GNG7: variants seen among roughly 807,000 people sequenced by gnomAD.
The protein encoded by GNG7 is guanine nucleotide-binding protein G(I)/G(S)/G(O) subunit gamma-7.
In GNG7, 1 loss-of-function variant was observed where a neutral mutation model predicts 4.0. The ratio of observed to expected loss-of-function variants is 0.25; its 90% CI spans 0.09 to 1.18. The LOEUF is 1.18. Among genes scored for constraint, GNG7 ranks in the 50% most tolerant of loss-of-function variants. The pLI, the probability that GNG7 is intolerant of heterozygous loss-of-function variation, is 0.50. For missense variants in GNG7, 86 were observed against 91.9 expected (o/e 0.94, Z 0.26); for synonymous variants, 34 against 36.9 (o/e 0.92, Z 0.29).
intron 1 of GNG7, among the ~76,000 whole-genome samples, chr19:2,672,781 A>G (rs369157006): frequency 1.2e-4 from 18 of 152,018 alleles, no homozygotes; most frequent in African/African-American, 4.3e-4. Flanking sequence ...GCAATAATTC[A>G]AAGTTTAAAG....
intron 2 of GNG7, among the ~76,000 whole-genome samples, chr19:2,597,950 C>T (rs1380389242): frequency 6.6e-6 from 1 of 151,350 alleles, no homozygotes; most frequent in Non-Finnish European, 1.5e-5. Context: ...CAGCTCAGGA[C>T]TGCCAATGTA....
chr19:2,606,845 A>G (rs1981399414), intron 2 of GNG7, among the ~76,000 whole-genome samples: 2 of 151,922 alleles, frequency 1.3e-5, no homozygotes, highest in Admixed American at 1.3e-4. Context: ...CGGTGATGAC[A>G]AGTTTCTGGA....
At chr19:2,604,734 G>A (rs997020996) in intron 2 of GNG7, among the ~76,000 whole-genome samples, 4 of 151,702 alleles carry the variant, frequency 2.6e-5, no homozygotes, top group Non-Finnish European at 4.4e-5. Flanking sequence ...GCCCTATTAT[G>A]TGATTTTCAC....
intron 3 of GNG7, among the ~76,000 whole-genome samples, chr19:2,532,818 G>A (rs1978637144): frequency 6.6e-6 from 1 of 152,164 alleles, no homozygotes; most frequent in Non-Finnish European, 1.5e-5. Context: ...GGATGTAGAA[G>A]AACTGGAGGC....
At position 2,621,807 on chromosome 19, in the gene GNG7, C is replaced by T. The variant is rs1156606985; in HGVS notation, c.-78+24417G>A. ...GACGGTAAGCACAAGCCAGGTTTGCCAGAGCCCCCAGAAGCCAGAGGACGC... is the reference window on the plus strand; with the variant it reads ...GACGGTAAGCACAAGCCAGGTTTGCTAGAGCCCCCAGAAGCCAGAGGACGC... On this transcript the variant is annotated intron_variant, in intron 2 of 4. Coordinates refer to ENST00000382159, the MANE Select transcript of GNG7 (RefSeq NM_052847.3). Among the ~76,000 whole-genome samples the T allele has an allele frequency of 2.0e-5, 3 of 152,104 alleles. No individual in the cohort carries two copies. The East Asian group carries it at 5.8e-4, about 29-fold the overall frequency.
chr19:2,643,734 C>A, intron 2 of GNG7: 2 of 427,016 alleles, frequency 4.7e-6, no homozygotes, highest in Non-Finnish European at 9.4e-6. Flanking sequence ...CCCTGCGATG[C>A]ACACTGGGCA....
intron 4 of GNG7, among the ~76,000 whole-genome samples, chr19:2,518,454 A>C (rs1380885102): frequency 6.6e-6 from 1 of 152,326 alleles, no homozygotes; most frequent in East Asian, 1.9e-4. Context: ...TGGAACATTC[A>C]GACACCTCGT....
intron 3 of GNG7, among the ~76,000 whole-genome samples, chr19:2,530,344 C>T (rs1978542504): frequency 6.6e-6 from 1 of 151,472 alleles, no homozygotes; most frequent in Non-Finnish European, 1.5e-5. Context: ...ACCCGGGAGG[C>T]AGTGGTTGCA....
chr19:2,682,655 CAAAAAAAAAAAAAAAA>C (rs745799326), intron 1 of GNG7, among the ~76,000 whole-genome samples: 1 of 64,340 alleles, frequency 1.6e-5, no homozygotes, highest in Admixed American at 1.4e-4. Flanking sequence ...GACTCCATCT[CAAAAAAAAAAAAAAAA>C]AAAAAAAAAG....
At chr19:2,684,943 G>A (rs1983834757) in intron 1 of GNG7, among the ~76,000 whole-genome samples, 1 of 152,160 alleles carries the variant, frequency 6.6e-6, no homozygotes, top group African/African-American at 2.4e-5. Context: ...GGCCAACATG[G>A]AGAAACCTTG....
At chr19:2,573,501 C>A (rs538195409) in intron 2 of GNG7, among the ~76,000 whole-genome samples, 1 of 152,222 alleles carries the variant, frequency 6.6e-6, no homozygotes, top group East Asian at 1.9e-4. Context: ...TGCTTCTGCG[C>A]TATCTGTGGA....
chr19:2,625,307 A>G (rs1981992960), intron 2 of GNG7, among the ~76,000 whole-genome samples: 1 of 152,220 alleles, frequency 6.6e-6, no homozygotes, highest in South Asian at 2.1e-4. Context: ...CCTGGCCTCA[A>G]GCAATTCTCT....
chr19:2,526,852 C>CT (rs972238190), intron 3 of GNG7, among the ~76,000 whole-genome samples: 48 of 145,704 alleles, frequency 3.3e-4, no homozygotes, highest in East Asian at 9.9e-4. Context: ...TTTATCTTAA[C>CT]TTTTTTTTTT....
chr19:2,611,009 G>GC lies in GNG7; in HGVS notation c.-78+35214_-78+35215insG, dbSNP rs1033010482. On this transcript the variant is annotated intron_variant, in intron 2 of 4. Transcript: ENST00000382159. This position sits in a 1 kb window ranked among gnomAD's most constrained non-coding sequence, Gnocchi z 6.0. ...ACGGGCTCACGTGCCAGGCTCGGGGGGGGGGAAGCGTCCTCAACATTCTCA... is the reference window on the plus strand; with the variant it reads ...ACGGGCTCACGTGCCAGGCTCGGGGGCGGGGGAAGCGTCCTCAACATTCTCA... The GC allele has an allele frequency of 2.5e-5, 3 of 121,208 alleles. No individual in the cohort carries two copies. Among genetic ancestry groups the GC allele is most frequent in the African/African-American group, 9.0e-5 (3 of 33,448 alleles). 7.5% of individuals were successfully genotyped at this position (121,208 alleles called of 1,614,324 possible).
intron 2 of GNG7, among the ~76,000 whole-genome samples, chr19:2,599,009 G>A (rs1981119457): frequency 6.6e-6 from 1 of 152,184 alleles, no homozygotes; most frequent in Non-Finnish European, 1.5e-5. Flanking sequence ...TCCACCGAGG[G>A]CCCATGATGA....
intron 3 of GNG7, among the ~76,000 whole-genome samples, chr19:2,540,073 C>CCTCTCT (rs3049063): frequency 7.8e-6 from 1 of 129,028 alleles, no homozygotes; most frequent in African/African-American, 3.0e-5. Context: ...CTCCTCCCTC[C>CCTCTCT]CTCTCTCTCT....
chr19:2,671,178 T>G (rs1028370562), intron 1 of GNG7, among the ~76,000 whole-genome samples: 2 of 152,070 alleles, frequency 1.3e-5, no homozygotes, highest in African/African-American at 4.8e-5. Context: ...TGCCAGGAGC[T>G]GCCCCTCTCT....
intron 3 of GNG7, among the ~76,000 whole-genome samples, chr19:2,544,936 A>G (rs929090024): frequency 1.3e-5 from 2 of 152,128 alleles, no homozygotes; most frequent in South Asian, 2.1e-4. Flanking sequence ...ATGGGGTTCA[A>G]TCCCTACCCA....
rs1981197793 is a variant in GNG7, at chr19:2,601,480, G to A, written c.-78+44744C>T. On this transcript the variant is annotated intron_variant, in intron 2 of 4. Coordinates refer to ENST00000382159, the MANE Select transcript of GNG7 (RefSeq NM_052847.3). ...GTGTCTGTCTCCCCTGCTCTACAAT[G>A]AGCTCCCCAGGAACAAGGACTGGGC... is the stretch of plus-strand genomic sequence containing the variant. 2.0e-5 allele frequency among the ~76,000 whole-genome samples: 3 copies of A among 152,228 alleles called. No homozygotes were observed. The South Asian group carries it at 6.2e-4, about 32-fold the overall frequency.
Sources: allele counts gnomAD v4.1 joint callset (sites outside exome capture counted in the v4.1 genomes callset), GRCh38; gene constraint gnomAD v4.1.1; non-coding constraint Gnocchi (gnomAD v3.1); transcripts MANE v1.5; gene names NCBI Gene and HGNC (gene_info 2026-07-23, HGNC 2026-07-21).